Variants in BRWD3 observed in about 807,000 individuals in gnomAD.
BRWD3 encodes the protein bromodomain and WD repeat-containing protein 3.
In BRWD3, 10 loss-of-function variants were observed where a neutral mutation model predicts 149.7. The ratio of observed to expected loss-of-function variants is 0.07; its 90% CI spans 0.04 to 0.11. The LOEUF (loss-of-function observed/expected upper bound fraction) is 0.11. Ranked by LOEUF, BRWD3 falls within the 10% of genes least tolerant of loss-of-function variation. BRWD3 has a pLI of 1.00. For missense variants in BRWD3, 940 were observed against 1,373.2 expected, an observed-to-expected ratio of 0.68 and a Z score of 4.99; for synonymous variants, 504 against 456.7, an observed-to-expected ratio of 1.10 and a Z score of -1.32.
At position 80,698,890 on chromosome X, in the gene BRWD3, C is replaced by A. The variant is rs1326519829; in HGVS notation, c.2943+1067G>T. Among the ~76,000 whole-genome samples the A allele has an allele frequency of 3.6e-5, 4 of 110,660 alleles. No individual in the cohort carries two copies. The Admixed American group carries it at 3.9e-4, about 11-fold the overall frequency. ...TGACATTAATAAAAAGTTTTACAAA[C>A]ATCTAAATCAAATCTTTATCTTAAT... On this transcript the variant is annotated intron_variant, in intron 25 of 40. Transcript: ENST00000373275.
chrX:80,803,101 C>CA (rs61306754), intron 4 of BRWD3, among the ~76,000 whole-genome samples: 73 of 24,012 alleles, frequency 3.0e-3, no homozygotes, highest in East Asian at 0.01. Context: ...GACTCCATCT[C>CA]AAAAAAAAAA....
At chrX:80,772,965 T>C (rs779083677) in intron 6 of BRWD3, among the ~76,000 whole-genome samples, 1 of 112,141 alleles carries the variant, frequency 8.9e-6, no homozygotes, top group South Asian at 3.7e-4. Flanking sequence ...CAGGAAATTA[T>C]GCTGAGCAAG....
intron 8 of BRWD3, 38 bp from the exon 9 acceptor site, chrX:80,736,126 T>A (rs1016462716): frequency 3.5e-5 from 31 of 891,239 alleles, no homozygotes; most frequent in Non-Finnish European, 5.0e-5. Context: ...TAAAAAGTTT[T>A]CATGTTCAGC....
chrX:80,687,459 G>C (rs1334830399), intron 34 of BRWD3, among the ~76,000 whole-genome samples: 1 of 110,804 alleles, frequency 9.0e-6, no homozygotes, highest in Non-Finnish European at 1.9e-5. Flanking sequence ...ATCTCTTTCA[G>C]TATTTCAAAA....
At chrX:80,714,428 T>C (rs1047895117) in intron 20 of BRWD3, among the ~76,000 whole-genome samples, 3 of 109,513 alleles carry the variant, frequency 2.7e-5, no homozygotes, top group South Asian at 4.0e-4. Context: ...CAGACATTCC[T>C]TTCTCTTCAT....
In BRWD3 at chrX:80,809,679, GGAA is replaced by G. The variant is rs1221932422; in HGVS notation, c.-211_-209del. 32 of 412,342 alleles carry G rather than the reference GGAA, an allele frequency of 7.8e-5. No homozygotes were observed. In the Admixed American group the frequency reaches 1.3e-3, roughly 17 times the overall value. 34.0% of individuals were successfully genotyped at this position (412,342 alleles called of 1,213,427 possible). ...GCCCAAGAGCTGAGGAGGCGGAGGA[GGAA>G]GGAGAGGAGAGGGAGAGGGAGAGAG... On this transcript the variant is annotated 5_prime_UTR_variant, in exon 1 of 41. Transcript: ENST00000373275.
Position 80,809,652 on chromosome X carries a change from T to G in BRWD3, c.-181A>C. ...ATCACGTTTCGACCCATAGATATTC[T>G]AGCCCAAGAGCTGAGGAGGCGGAGG... On this transcript the variant is annotated 5_prime_UTR_variant, in exon 1 of 41. Transcript: ENST00000373275. The G allele has an allele frequency of 2.3e-6, 1 of 432,156 alleles. No homozygotes were observed. Among genetic ancestry groups the G allele is most frequent in the Non-Finnish European group, 4.1e-6 (1 of 245,441 alleles). The allele number at this position is 432,156 out of a possible 1,213,427, so 35.6% of individuals were successfully genotyped here.
chrX:80,737,277 T>G (rs770563580), intron 8 of BRWD3, among the ~76,000 whole-genome samples: 1 of 111,587 alleles, frequency 9.0e-6, no homozygotes, highest in African/African-American at 3.3e-5. Flanking sequence ...AGATAACATA[T>G]GTACATCCTC....
intron 6 of BRWD3, among the ~76,000 whole-genome samples, chrX:80,778,011 T>C (rs560249390): frequency 9.0e-6 from 1 of 111,001 alleles, no homozygotes; most frequent in South Asian, 3.7e-4. Context: ...TTTCAATAAA[T>C]GGCATTGAAA....
chrX:80,802,948 A>G (rs2074315543), intron 4 of BRWD3, among the ~76,000 whole-genome samples: 1 of 110,279 alleles, frequency 9.1e-6, no homozygotes, highest in African/African-American at 3.3e-5. Flanking sequence ...TGCTAAAAAT[A>G]CAAAAAATTA....
At chrX:80,696,716 G>A in intron 26 of BRWD3, 23 bp downstream of exon 26, 1 of 1,207,402 alleles carries the variant, frequency 8.3e-7, no homozygotes, top group Non-Finnish European at 1.1e-6. Flanking sequence ...CACTCAAACA[G>A]AGACTCAGAG....
In BRWD3 at chrX:80,676,836, T is replaced by C. The variant is rs764461771; in HGVS notation, c.5182A>G (p.Ile1728Val). The change falls in exon 41 of 41, where the codon ATT becomes GTT. Residue 1728 changes from isoleucine to valine, a missense_variant. By Grantham distance (29) the Ile-to-Val change is conservative (BLOSUM62 3). Transcript: ENST00000373275. ...ATGGTATCAAATTCATCATCTGCAA[T>C]ACGTGCTCGTTTGGCTCTGGTAGCT... ...RGATRAKRAR[I>V]ADDEFDTMFS... is the part of the protein sequence containing the mutation. 5.0e-6 allele frequency: 6 copies of C among 1,209,172 alleles called. No individual in the cohort carries two copies. In the African/African-American group the frequency reaches 1.1e-4, roughly 21 times the overall value.
intron 20 of BRWD3, among the ~76,000 whole-genome samples, chrX:80,715,258 C>T (rs1464214805): frequency 9.3e-6 from 1 of 107,173 alleles, no homozygotes; most frequent in Non-Finnish European, 1.9e-5. Context: ...ACTAACAAAA[C>T]AATAAAGTTA....
intron 8 of BRWD3, among the ~76,000 whole-genome samples, chrX:80,743,201 T>C (rs1448900584): frequency 8.9e-6 from 1 of 112,173 alleles, no homozygotes; most frequent in Non-Finnish European, 1.9e-5. Flanking sequence ...ATTATGTTTA[T>C]TGATTTGCAT....
At chrX:80,764,672 T>C (rs1016332206) in intron 6 of BRWD3, among the ~76,000 whole-genome samples, 3 of 110,369 alleles carry the variant, frequency 2.7e-5, no homozygotes, top group African/African-American at 9.9e-5. Context: ...GGAAAATTGG[T>C]AAACAGGGTG....
intron 17 of BRWD3, among the ~76,000 whole-genome samples, 168 bp from the exon 18 acceptor site, chrX:80,719,824 T>G (rs1394678825): frequency 8.9e-6 from 1 of 112,283 alleles, no homozygotes; most frequent in Non-Finnish European, 1.9e-5. Context: ...TGTACTAGCT[T>G]ATGTGTCTGA....
chrX:80,722,294 C>A (rs777701042), intron 17 of BRWD3, among the ~76,000 whole-genome samples: 1 of 112,103 alleles, frequency 8.9e-6, no homozygotes, highest in Non-Finnish European at 1.9e-5. Context: ...CAGCTTCATA[C>A]ATATATAAGG....
chrX:80,682,436 CA>C, intron 38 of BRWD3, 28 bp downstream of exon 38: 1 of 1,201,471 alleles, frequency 8.3e-7, no homozygotes, highest in Non-Finnish European at 1.1e-6. Flanking sequence ...GCTTTGAGAA[CA>C]AAAAATGTTG....
chrX:80,747,152 C>T (rs1225072207), intron 6 of BRWD3, among the ~76,000 whole-genome samples: 2 of 110,135 alleles, frequency 1.8e-5, no homozygotes, highest in Non-Finnish European at 3.8e-5. Flanking sequence ...TCCAGTGAAA[C>T]ATTTCTTACT....
Sources: gnomAD v4.1 joint callset for allele counts (sites outside exome capture counted in the v4.1 genomes callset) on GRCh38, gnomAD v4.1.1 for gene constraint, MANE v1.5 for transcripts, NCBI Gene and HGNC (gene_info 2026-07-23, HGNC 2026-07-21) for gene names.